LRRC8D: variants seen among roughly 807,000 people sequenced by gnomAD.
The protein encoded by LRRC8D is volume-regulated anion channel subunit LRRC8D.
In LRRC8D, 20 loss-of-function variants were observed where a neutral mutation model predicts 55.8. The observed-to-expected ratio is 0.36, with a 90% CI of 0.25 to 0.52. The LOEUF is 0.52. Among genes scored for constraint, LRRC8D ranks in the 20% least tolerant of loss-of-function variants. The pLI, the probability that LRRC8D is intolerant of heterozygous loss-of-function variation, is 0.93. For missense variants in LRRC8D, 651 were observed against 1,030.8 expected, an observed-to-expected ratio of 0.63 and a Z score of 5.05; for synonymous variants, 352 against 377.0, an observed-to-expected ratio of 0.93 and a Z score of 0.77.
chr1:89,861,581 C>T (rs1661721785), intron 2 of LRRC8D, among the ~76,000 whole-genome samples: 1 of 152,206 alleles, frequency 6.6e-6, no homozygotes, highest in African/African-American at 2.4e-5. Context: ...CTGTCCATGT[C>T]ACATATCTGG....
intron 2 of LRRC8D, among the ~76,000 whole-genome samples, chr1:89,877,273 T>A (rs1193388271): frequency 6.6e-6 from 1 of 152,136 alleles, no homozygotes; most frequent in Non-Finnish European, 1.5e-5. Flanking sequence ...GAGTTACTTG[T>A]AGGGATCCAG....
intron 2 of LRRC8D, among the ~76,000 whole-genome samples, chr1:89,884,167 T>C (rs887741677): frequency 6.6e-6 from 1 of 152,246 alleles, no homozygotes; most frequent in African/African-American, 2.4e-5. Flanking sequence ...AAATTGCAGA[T>C]GGGCCTTTCT....
chr1:89,850,786 A>G (rs1661393237), intron 2 of LRRC8D, among the ~76,000 whole-genome samples: 1 of 152,132 alleles, frequency 6.6e-6, no homozygotes, highest in Admixed American at 6.5e-5. Flanking sequence ...TTTTATTAGC[A>G]TGACTTCTTG....
chr1:89,886,498 C>T (rs1300612307), intron 2 of LRRC8D, among the ~76,000 whole-genome samples: 1 of 152,152 alleles, frequency 6.6e-6, no homozygotes, highest in Non-Finnish European at 1.5e-5. Flanking sequence ...GGCTGCTTCT[C>T]TCTTTCTGTT....
intron 2 of LRRC8D, among the ~76,000 whole-genome samples, chr1:89,878,941 T>A (rs954211979): frequency 1.2e-4 from 17 of 136,498 alleles, no homozygotes; most frequent in African/African-American, 4.2e-4. Flanking sequence ...CACTCTAGCC[T>A]GGGCAACAAG....
intron 2 of LRRC8D, among the ~76,000 whole-genome samples, chr1:89,860,955 G>A (rs1398295065): frequency 1.3e-5 from 2 of 151,788 alleles, no homozygotes; most frequent in Non-Finnish European, 2.9e-5. Flanking sequence ...CTGGGATAAA[G>A]ATAGGTAGAA....
At chr1:89,877,224 C>T (rs1662169143) in intron 2 of LRRC8D, among the ~76,000 whole-genome samples, 3 of 150,514 alleles carry the variant, frequency 2.0e-5, no homozygotes, top group East Asian at 3.9e-4. Flanking sequence ...TTCTTTCTCT[C>T]TCTCTCTCTT....
intron 2 of LRRC8D, among the ~76,000 whole-genome samples, chr1:89,895,429 G>A (rs1377058090): frequency 6.6e-6 from 1 of 152,096 alleles, no homozygotes. Context: ...TAATTTCAAA[G>A]GCAACTTGAG....
At chr1:89,868,481 A>C (rs181672309) in intron 2 of LRRC8D, among the ~76,000 whole-genome samples, 1 of 152,178 alleles carries the variant, frequency 6.6e-6, no homozygotes, top group African/African-American at 2.4e-5. Context: ...TGTGAATTCC[A>C]TGACACGAAT....
At chr1:89,828,654 C>T (rs1198698232) in intron 1 of LRRC8D, among the ~76,000 whole-genome samples, 3 of 152,122 alleles carry the variant, frequency 2.0e-5, no homozygotes, top group East Asian at 1.9e-4. Context: ...AACTACCACT[C>T]CTCTGAGGTT....
chr1:89,924,929 G>A (rs1339553706), intron 2 of LRRC8D, among the ~76,000 whole-genome samples: 1 of 152,174 alleles, frequency 6.6e-6, no homozygotes, highest in Non-Finnish European at 1.5e-5. Flanking sequence ...GGGAGAGAAA[G>A]GAGGGGAGTT....
intron 1 of LRRC8D, among the ~76,000 whole-genome samples, chr1:89,839,254 A>G (rs536655322): frequency 3.0e-4 from 45 of 152,212 alleles, no homozygotes; most frequent in African/African-American, 1.1e-3. Flanking sequence ...AGGGCCTGTG[A>G]GGGTTTGTCC....
intron 2 of LRRC8D, among the ~76,000 whole-genome samples, chr1:89,879,737 C>T (rs1481452180): frequency 1.3e-5 from 2 of 152,092 alleles, no homozygotes; most frequent in Non-Finnish European, 2.9e-5. Context: ...TAACAATTTA[C>T]TAATTATAGT....
chr1:89,853,877 C>T (rs1045383882), intron 2 of LRRC8D, among the ~76,000 whole-genome samples: 3 of 151,986 alleles, frequency 2.0e-5, no homozygotes, highest in Non-Finnish European at 4.4e-5. Context: ...GGCAGGAGAG[C>T]GAGCAGATAC....
At chr1:89,906,645 G>A (rs1382210826) in intron 2 of LRRC8D, among the ~76,000 whole-genome samples, 2 of 152,118 alleles carry the variant, frequency 1.3e-5, no homozygotes, top group Admixed American at 1.3e-4. Context: ...ACCCAAGGCT[G>A]GCATTCTTTG....
Position 89,933,230 on chromosome 1 carries a change from T to C in LRRC8D, c.162T>C (p.Cys54=). 2 of 1,614,164 alleles carry C rather than the reference T, an allele frequency of 1.2e-6. No homozygotes were observed. The highest frequency in any genetic ancestry group is 1.7e-6 in the Non-Finnish European group (2 of 1,180,038). Residue 54 remains cysteine (C), a synonymous_variant, in exon 3 of 3, where the codon TGT becomes TGC. Coordinates refer to ENST00000337338, the MANE Select transcript of LRRC8D (RefSeq NM_001134479.2). This position sits in a 1 kb window ranked among gnomAD's most constrained non-coding sequence, Gnocchi z 7.0. ...AACTTACCAAAGATCAGGTGGTCTG[T>C]TTGCCAGTATTGCCATCTCCTGTAA... ...TMQLTKDQVV[C]LPVLPSPVNS... is the part of the protein sequence containing the mutation.
chr1:89,934,677 G>C lies in LRRC8D; in HGVS notation c.1609G>C (p.Asp537His), dbSNP rs753883648. 1.2e-6 allele frequency: 2 copies of C among 1,614,114 alleles called. No homozygotes were observed. The highest frequency in any genetic ancestry group is 2.2e-5 in the East Asian group (1 of 44,876). Reference protein sequence around the residue: ...VEQTAFSFLRDHLRCLHVKFT... With the variant: ...VEQTAFSFLRHHLRCLHVKFT... ...ACAGACTGCTTTTAGCTTTCTTCGC[G>C]ATCACTTGAGATGCCTTCACGTGAA... The change falls in exon 3 of 3, where the codon GAT (aspartate) becomes CAT (histidine). Residue 537 changes from aspartate to histidine, a missense_variant. Asp to His is a moderately conservative substitution (Grantham distance 81, BLOSUM62 -1). This residue lies in a region of LRRC8D where 338 missense variants were observed against 479.4 expected (regional missense o/e 0.71). Transcript: ENST00000337338. The surrounding 1 kb of genome is among the most constrained non-coding windows in gnomAD (Gnocchi z 5.9).
In LRRC8D at chr1:89,876,116, T is replaced by C. The variant is rs960255515; in HGVS notation, c.-3+32334T>C. 3.3e-5 allele frequency among the ~76,000 whole-genome samples: 5 copies of C among 152,148 alleles called. No individual in the cohort carries two copies. The East Asian group carries it at 5.8e-4, about 18-fold the overall frequency. ...CCAGGCTTCCATCCACTCAGAGCTC[T>C]TTCCTGCTGGACCCGTTGGAAGCTT... is the stretch of plus-strand genomic sequence containing the variant. On this transcript the variant is annotated intron_variant, in intron 2 of 2. Transcript: ENST00000337338.
chr1:89,904,489 A>C lies in LRRC8D; in HGVS notation c.-2-28578A>C, dbSNP rs924580627. On this transcript the variant is annotated intron_variant, in intron 2 of 2. Coordinates refer to ENST00000337338, the MANE Select transcript of LRRC8D (RefSeq NM_001134479.2). ...GAGTTCATTCACTTTTCTTCCTTAA[A>C]AGGACTGCAGGAATACAGGAGGACA... is the stretch of plus-strand genomic sequence containing the variant. Among the ~76,000 whole-genome samples the C allele has an allele frequency of 7.9e-5, 12 of 152,350 alleles. No individual in the cohort carries two copies. The East Asian group carries it at 2.3e-3, about 29-fold the overall frequency.
Sources: gnomAD v4.1 joint callset for allele counts (sites outside exome capture counted in the v4.1 genomes callset) on GRCh38, gnomAD v4.1.1 for gene constraint, gnomAD v4.1.1 regional missense constraint, Gnocchi (gnomAD v3.1) non-coding constraint, MANE v1.5 for transcripts, NCBI Gene and HGNC (gene_info 2026-07-23, HGNC 2026-07-21) for gene names.